SIPA1: variants seen among roughly 807,000 people sequenced by gnomAD.
SIPA1 encodes signal-induced proliferation-associated protein 1.
SIPA1 carries 51 observed loss-of-function variants against 88.1 expected under a neutral mutation model. The observed-to-expected ratio is 0.58, with a 90% confidence interval of 0.46 to 0.73. The LOEUF is 0.73. SIPA1 is among the 30% of genes least tolerant of loss of function. The probability of loss-of-function intolerance (pLI) is 0.00; values close to 1 mark genes in which losing one functional copy is unlikely to be tolerated. For missense variants in SIPA1, 1,348 were observed against 1,467.6 expected, an observed-to-expected ratio of 0.92 and a Z score of 1.33; for synonymous variants, 681 against 664.8, an observed-to-expected ratio of 1.02 and a Z score of -0.37.
Position 65,645,847 on chromosome 11 carries a change from G to T in SIPA1, c.1160-7G>T. ...CTCCTTCTGTGTCCCTAACTTCCTG[G>T]CCACAGCGGATTCCACAGGCACGCA... On this transcript the variant is annotated splice_polypyrimidine_tract_variant and splice_region_variant and intron_variant, in intron 5 of 15. Coordinates refer to ENST00000534313, the MANE Select transcript of SIPA1 (RefSeq NM_006747.4). 6 of 1,605,804 alleles carry T rather than the reference G, an allele frequency of 3.7e-6. No individual in the cohort carries two copies. The highest frequency in any genetic ancestry group is 5.1e-6 in the Non-Finnish European group (6 of 1,174,160).
chr11:65,650,194 T>G lies in SIPA1; in HGVS notation c.2903+2T>G, dbSNP rs1428767590. 6.2e-7 allele frequency: 1 copy of G among 1,613,878 alleles called. No individual in the cohort carries two copies. Among genetic ancestry groups the G allele is most frequent in the Admixed American group, 1.7e-5 (1 of 60,002 alleles). On this transcript the variant is annotated splice_donor_variant, in intron 14 of 15. Coordinates refer to ENST00000534313, the MANE Select transcript of SIPA1 (RefSeq NM_006747.4). LOFTEE classifies it high-confidence loss of function. ...GGGAACTCCAAAATCTGATGCTGAG[T>G]AAGCTCCCCAACTCCCCACAGCCGC...
In SIPA1 at chr11:65,642,080, G is replaced by A. The variant is rs929964765; in HGVS notation, c.680-170G>A. The A allele has an allele frequency of 3.1e-6, 3 of 977,802 alleles. No individual in the cohort carries two copies. Among genetic ancestry groups the A allele is most frequent in the Admixed American group, 3.0e-5 (1 of 32,910 alleles). 60.6% of individuals were successfully genotyped at this position (977,802 alleles called of 1,614,324 possible). ...GGTCTGGGTCCACCTCTGGGTCAGG[G>A]TTGAGATCAAGATATTGAGCTCGGG... On this transcript the variant is annotated intron_variant, in intron 2 of 15. Coordinates refer to ENST00000534313, the MANE Select transcript of SIPA1 (RefSeq NM_006747.4). The surrounding 1 kb of genome is among the most constrained non-coding windows in gnomAD (Gnocchi z 6.5).
At chr11:65,639,928 C>G (rs559974291) in intron 1 of SIPA1, 56 of 152,370 alleles carry the variant, frequency 3.7e-4, no homozygotes, top group African/African-American at 1.3e-3. Context: ...AGCTCTGACA[C>G]GGAATTGCTT....
At chr11:65,645,154 G>T (rs1012716990) in intron 5 of SIPA1, 25 bp downstream of exon 5, 21 of 1,607,812 alleles carry the variant, frequency 1.3e-5, no homozygotes, top group Non-Finnish European at 1.5e-5. Flanking sequence ...CAGGAGGGGT[G>T]GGAGCAGATC....
In SIPA1 at chr11:65,645,102, A is replaced by G. The variant is rs780991840; in HGVS notation, c.1132A>G (p.Ser378Gly). ...GDVVRLKGFE[S>G]YRAQLDTKTD... is the part of the protein sequence containing the mutation. ...TGTGGTGCGGCTCAAAGGCTTTGAG[A>G]GTTACCGGGCCCAGCTAGACACCAA... The change falls in exon 5 of 16, where the codon AGT (serine) becomes GGT (glycine). Residue 378 changes from serine to glycine, a missense_variant. By Grantham distance (56) the Ser-to-Gly change is moderately conservative (BLOSUM62 0). Coordinates refer to ENST00000534313, the MANE Select transcript of SIPA1 (RefSeq NM_006747.4). 1.5e-5 allele frequency: 25 copies of G among 1,613,828 alleles called. No individual in the cohort carries two copies. In the South Asian group the frequency reaches 2.6e-4, roughly 17 times the overall value.
rs760490758 is a variant in SIPA1 at position 65,650,471 on chromosome 11, C to G, written c.2974C>G (p.Leu992Val). The G allele has an allele frequency of 3.1e-6, 5 of 1,614,152 alleles. No homozygotes were observed. The highest frequency in any genetic ancestry group is 4.2e-6 in the Non-Finnish European group (5 of 1,180,010). Residue 992 changes from leucine to valine, a missense_variant, in exon 15 of 16, where the codon CTG becomes GTG. This residue lies in a region of SIPA1 where 615 missense variants were observed against 559.8 expected (regional missense o/e 1.10). Coordinates refer to ENST00000534313, the MANE Select transcript of SIPA1 (RefSeq NM_006747.4). ...ESMLRKLQEDLQKEKADRAAL... is the reference protein window; with the variant it reads ...ESMLRKLQEDVQKEKADRAAL... ...CATGCTCAGGAAGCTGCAGGAGGAC[C>G]TGCAGAAGGTGAGGGGTGGGCTGAG...
rs1013776614 is a variant in SIPA1, at chr11:65,646,673, A to T, written c.1639A>T (p.Thr547Ser). ...QDLATNEVTT[T>S]SLDSASRFGL... ...CCTGGCCACCAACGAGGTGACCACTACGTCGCTGGACTCGGCTTCACGCTT... is the reference window on the plus strand; with the variant it reads ...CCTGGCCACCAACGAGGTGACCACTTCGTCGCTGGACTCGGCTTCACGCTT... The change falls in exon 8 of 16, where the codon ACG (threonine) becomes TCG (serine). Residue 547 changes from threonine (T) to serine (S), a missense_variant. Thr to Ser is a moderately conservative substitution (Grantham distance 58, BLOSUM62 1). Coordinates refer to ENST00000534313, the MANE Select transcript of SIPA1 (RefSeq NM_006747.4). This position sits in a 1 kb window ranked among gnomAD's most constrained non-coding sequence, Gnocchi z 7.5. 1.3e-6 allele frequency: 2 copies of T among 1,544,356 alleles called. No homozygotes were observed. The highest frequency in any genetic ancestry group is 2.7e-5 in the African/African-American group (2 of 73,046).
chr11:65,647,626 C>T lies in SIPA1; in HGVS notation c.2274C>T (p.Val758=), dbSNP rs1856158007. 2.1e-6 allele frequency: 3 copies of T among 1,403,460 alleles called. No individual in the cohort carries two copies. The highest frequency in any genetic ancestry group is 1.4e-5 in the South Asian group (1 of 69,980). 86.9% of individuals were successfully genotyped at this position (1,403,460 alleles called of 1,614,324 possible). A position where few individuals can be genotyped will look rare whatever the true frequency, so the allele number is the denominator to read the frequency against. ...CGGCGCCCAAGGTCTGCGTCACCGT[C>T]CTGCCCCCCGACGAGAGCGGCCGGC... The part of the protein sequence containing the change: ...LRSAPKVCVT[V]LPPDESGRPR... The change falls in exon 9 of 16, where the codon GTC becomes GTT. Residue 758 remains valine, a synonymous_variant. Coordinates refer to ENST00000534313, the MANE Select transcript of SIPA1 (RefSeq NM_006747.4).
Position 65,642,305 on chromosome 11 carries a change from G to A in SIPA1, c.735G>A (p.Leu245=). The A allele has an allele frequency of 1.3e-6, 2 of 1,549,220 alleles. No individual in the cohort carries two copies. Among genetic ancestry groups the A allele is most frequent in the South Asian group, 2.4e-5 (2 of 84,118 alleles). ...DESLGPVAVS[L]RREEKEGSGG... Reference sequence around the variant, plus strand: ...CGCTGGGCCCGGTGGCAGTGAGCCTGCGGCGGGAGGAGAAGGAGGGCAGCG... The same window carrying A: ...CGCTGGGCCCGGTGGCAGTGAGCCTACGGCGGGAGGAGAAGGAGGGCAGCG... The change falls in exon 3 of 16, where the codon CTG becomes CTA. Residue 245 remains leucine (L), a synonymous_variant. Coordinates refer to ENST00000534313, the MANE Select transcript of SIPA1 (RefSeq NM_006747.4). The surrounding 1 kb of genome is among the most constrained non-coding windows in gnomAD (Gnocchi z 6.5).
At chr11:65,645,439 G>C (rs961035387) in intron 5 of SIPA1, among the ~76,000 whole-genome samples, 1 of 152,088 alleles carries the variant, frequency 6.6e-6, no homozygotes, top group Non-Finnish European at 1.5e-5. Flanking sequence ...CCTCCCTGGT[G>C]GAAGGGGCCC....
chr11:65,649,306 G>A lies in SIPA1; in HGVS notation c.2351G>A (p.Arg784Gln), dbSNP rs764237202. ...ACGCTGTCGCTGCAGGAGCCTAGCC[G>A]GCGGGGGGCCCCAGATCCTGTGCAG... ...LYTLSLQEPS[R>Q]RGAPDPVQDE... Residue 784 changes from arginine to glutamine, a missense_variant, in exon 10 of 16, where the codon CGG becomes CAG. Around this residue, in one of 4 missense-constraint regions of SIPA1, gnomAD observed 615 missense variants for 559.8 expected, o/e 1.10. Transcript: ENST00000534313. The A allele has an allele frequency of 2.2e-5, 34 of 1,555,082 alleles. No homozygotes were observed. Among genetic ancestry groups the A allele is most frequent in the East Asian group, 1.2e-4 (5 of 41,584 alleles).
At position 65,644,633 on chromosome 11, in the gene SIPA1, G is replaced by A. The variant is rs1197596741; in HGVS notation, c.985-322G>A. ...CCTGGCCTGCAGGGGCTGGGGTGGG[G>A]GTGCCTTGGATTCAGGGGTGCAGAG... On this transcript the variant is annotated intron_variant, in intron 4 of 15. Transcript: ENST00000534313. Among the ~76,000 whole-genome samples the A allele has an allele frequency of 2.0e-5, 3 of 151,782 alleles. No individual in the cohort carries two copies. In the East Asian group the frequency reaches 5.8e-4, roughly 29 times the overall value.
At position 65,646,975 on chromosome 11, in the gene SIPA1, G is replaced by A. The variant is rs377091388; in HGVS notation, c.1941G>A (p.Leu647=). The A allele has an allele frequency of 1.4e-5, 21 of 1,540,490 alleles. No homozygotes were observed. In the African/African-American group the frequency reaches 1.8e-4, roughly 13 times the overall value. ...CCTGGACCTTCTCCGAGCAGCAGCT[G>A]GACCTGTACCACGGCCGCGGGGAGG... ...VLAWTFSEQQ[L]DLYHGRGEAI... Residue 647 remains leucine (L), a synonymous_variant, in exon 8 of 16, where the codon CTG becomes CTA. Transcript: ENST00000534313. The surrounding 1 kb of genome is among the most constrained non-coding windows in gnomAD (Gnocchi z 7.5).
At position 65,646,283 on chromosome 11, in the gene SIPA1, C is replaced by A; in HGVS notation, c.1326C>A (p.Ser442Arg). ...IVTIVFQEPG[S>R]KPFCPTTIRS... The stretch of plus-strand genomic sequence containing the variant: ...CCATCGTGTTCCAGGAGCCTGGCAG[C>A]AAGCCCTTCTGCCCCACCACCATCC... Residue 442 changes from serine (S) to arginine (R), a missense_variant, in exon 7 of 16, where the codon AGC (serine) becomes AGA (arginine). Physicochemically the swap from Ser to Arg is moderately radical, Grantham distance 110 (BLOSUM62 -1). This residue lies in a region of SIPA1 where 641 missense variants were observed against 797.7 expected (regional missense o/e 0.80). Coordinates refer to ENST00000534313, the MANE Select transcript of SIPA1 (RefSeq NM_006747.4). This position sits in a 1 kb window ranked among gnomAD's most constrained non-coding sequence, Gnocchi z 7.5. 1 of 1,614,128 alleles carries A rather than the reference C, an allele frequency of 6.2e-7. No individual in the cohort carries two copies. Among genetic ancestry groups the A allele is most frequent in the Admixed American group, 1.7e-5 (1 of 60,024 alleles).
chr11:65,642,038 G>A lies in SIPA1; in HGVS notation c.680-212G>A. On this transcript the variant is annotated intron_variant, in intron 2 of 15. Coordinates refer to ENST00000534313, the MANE Select transcript of SIPA1 (RefSeq NM_006747.4). This position sits in a 1 kb window ranked among gnomAD's most constrained non-coding sequence, Gnocchi z 6.5. ...CAGGATTTAGGCCTGGGAGCTGGCC[G>A]CGTGGGTCTAGGTCTGGGTCTGGGT... The A allele has an allele frequency of 9.4e-6, 6 of 640,836 alleles. No individual in the cohort carries two copies. Among genetic ancestry groups the A allele is most frequent in the Non-Finnish European group, 1.5e-5 (6 of 388,460 alleles). 39.7% of individuals were successfully genotyped at this position (640,836 alleles called of 1,614,324 possible).
Position 65,646,495 on chromosome 11 carries a change from G to A in SIPA1, c.1461G>A (p.Gly487=), listed in dbSNP as rs1174300087. 1.3e-6 allele frequency: 2 copies of A among 1,579,100 alleles called. No individual in the cohort carries two copies. The highest frequency in any genetic ancestry group is 4.6e-5 in the East Asian group (2 of 43,504). Residue 487 remains glycine, a synonymous_variant, in exon 8 of 16, where the codon GGG becomes GGA. Coordinates refer to ENST00000534313, the MANE Select transcript of SIPA1 (RefSeq NM_006747.4). The surrounding 1 kb of genome is among the most constrained non-coding windows in gnomAD (Gnocchi z 7.5). ...VSRTQDTPAF[G]PALPAGGGPF... The stretch of plus-strand genomic sequence containing the variant: ...GCACCCAGGACACCCCTGCCTTCGG[G>A]CCAGCTCTGCCTGCTGGCGGAGGCC...
At position 65,642,462 on chromosome 11, in the gene SIPA1, G is replaced by T; in HGVS notation, c.808-1G>T. 1 of 1,611,576 alleles carries T rather than the reference G, an allele frequency of 6.2e-7. No homozygotes were observed. Among genetic ancestry groups the T allele is most frequent in the South Asian group, 1.1e-5 (1 of 90,862 alleles). ...TGAGTGCCCTTACACCCCTTCCTCA[G>T]CTCCGGACACTCCGTGGCACCATCT... On this transcript the variant is annotated splice_acceptor_variant, in intron 3 of 15. Coordinates refer to ENST00000534313, the MANE Select transcript of SIPA1 (RefSeq NM_006747.4). LOFTEE classifies it high-confidence loss of function. This position sits in a 1 kb window ranked among gnomAD's most constrained non-coding sequence, Gnocchi z 6.5.
At chr11:65,644,622 G>T (rs1856071241) in intron 4 of SIPA1, among the ~76,000 whole-genome samples, 1 of 151,928 alleles carries the variant, frequency 6.6e-6, no homozygotes, top group African/African-American at 2.4e-5. Flanking sequence ...GCCTGCAGGG[G>T]CTGGGGTGGG....
Position 65,647,386 on chromosome 11 carries a change from G to A in SIPA1, c.2034G>A (p.Leu678=). The change falls in exon 9 of 16, where the codon CTG becomes CTA. Residue 678 remains leucine, a splice_region_variant and synonymous_variant. Coordinates refer to ENST00000534313, the MANE Select transcript of SIPA1 (RefSeq NM_006747.4). The part of the protein sequence containing the change: ...AVGEVVARLQ[L]VSRGCETREL... The stretch of plus-strand genomic sequence containing the variant: ...CACTCGTCCCGCCCCGTCCGCAGCT[G>A]GTGAGCCGTGGCTGCGAGACCCGCG... 2 of 1,443,390 alleles carry A rather than the reference G, an allele frequency of 1.4e-6. No individual in the cohort carries two copies. The highest frequency in any genetic ancestry group is 9.0e-7 in the Non-Finnish European group (1 of 1,106,544). The allele number at this position is 1,443,390 out of a possible 1,614,324, so 89.4% of individuals were successfully genotyped here.
Sources: allele counts gnomAD v4.1 joint callset (sites outside exome capture counted in the v4.1 genomes callset), GRCh38; gene constraint gnomAD v4.1.1; regional missense constraint gnomAD v4.1.1; non-coding constraint Gnocchi (gnomAD v3.1); transcripts MANE v1.5; gene names NCBI Gene and HGNC (gene_info 2026-07-23, HGNC 2026-07-21).